PFKFB3: variants seen among roughly 807,000 people sequenced by gnomAD.
The protein encoded by PFKFB3 is 6-phosphofructo-2-kinase/fructose-2,6-bisphosphatase 3.
PFKFB3 carries 33 observed loss-of-function variants against 68.0 expected under a neutral mutation model. The observed-to-expected ratio is 0.49, with a 90% CI of 0.37 to 0.65. The LOEUF is 0.65. Ranked by LOEUF, PFKFB3 falls within the 30% of genes least tolerant of loss-of-function variation. The pLI is 0.00. For synonymous variants in PFKFB3, 315 were observed against 288.2 expected (o/e 1.09, Z -0.94); for missense variants, 586 against 712.2 (o/e 0.82, Z 2.02).
intron 14 of PFKFB3, 67 bp from the exon 15 acceptor site, chr10:6,232,828 C>G: frequency 8.0e-7 from 1 of 1,250,456 alleles, no homozygotes; most frequent in South Asian, 1.2e-5. Context: ...CTCGCGTCTT[C>G]TGCTTTAGAA....
chr10:6,303,349 A>G, the PFKFB3 span, among the ~76,000 whole-genome samples: 27 of 152,374 alleles, frequency 1.8e-4, no homozygotes, highest in African/African-American at 5.8e-4. Flanking sequence ...TAAAAATATG[A>G]GCACATGGTG....
chr10:6,149,092 A>G (rs546389294), intron 1 of PFKFB3, among the ~76,000 whole-genome samples: 2 of 152,126 alleles, frequency 1.3e-5, no homozygotes, highest in South Asian at 4.2e-4. Flanking sequence ...AAAGAGAAAT[A>G]AATAAGACAG....
At position 6,248,628 on chromosome 10, in the gene PFKFB3, CAAAAAAAAAA is replaced by C. The variant is rs1215741346; in HGVS notation, c.1516-5535_1516-5526del. Among the ~76,000 whole-genome samples the C allele has an allele frequency of 4.2e-5, 3 of 71,876 alleles. No homozygotes were observed. In the East Asian group the frequency reaches 1.2e-3, roughly 29 times the overall value. 47.2% of individuals were successfully genotyped at this position (71,876 alleles called of 152,430 possible). A position where few individuals can be genotyped will look rare whatever the true frequency, so the allele number is the denominator to read the frequency against. ...TGGGCAACAGAGGAAGACTCCATCT[CAAAAAAAAAA>C]AAAAAAAAAAAAAAGGCAGGGGATC... On this transcript the variant is annotated intron_variant, in intron 14 of 14. Coordinates refer to the PFKFB3 transcript ENST00000640683.
chr10:6,315,434 A>T, the PFKFB3 span, among the ~76,000 whole-genome samples: 2 of 152,146 alleles, frequency 1.3e-5, no homozygotes, highest in African/African-American at 4.8e-5. Context: ...GAGCTGCATG[A>T]TTATTCTTGG....
chr10:6,277,833 T>C, the PFKFB3 span: 308 of 355,018 alleles, frequency 8.7e-4, 3 homozygotes, highest in East Asian at 7.0e-3. Flanking sequence ...AGTGTGAGAA[T>C]GGACTAATAC....
the PFKFB3 span, among the ~76,000 whole-genome samples, chr10:6,269,869 G>A: frequency 2.0e-5 from 3 of 152,046 alleles, no homozygotes; most frequent in Admixed American, 1.3e-4. Context: ...GGTGGCTCAC[G>A]CTTGTAATCG....
intron 1 of PFKFB3, among the ~76,000 whole-genome samples, chr10:6,206,584 AC>A (rs1184833742): frequency 7.5e-5 from 8 of 107,190 alleles, no homozygotes; most frequent in African/African-American, 9.3e-5. Flanking sequence ...GCAGGGGCTG[AC>A]CCCCCCACCT....
At chr10:6,241,822 TTTTAATTTTTTTTTGCTTTC>T (rs1304282614) in intron 14 of PFKFB3, among the ~76,000 whole-genome samples, 2 of 151,996 alleles carry the variant, frequency 1.3e-5, no homozygotes, top group Non-Finnish European at 2.9e-5. Context: ...GTTTTCTTTT[TTTTAATTTTTTTTTGCTTTC>T]TTTTCTTTTT....
intron 14 of PFKFB3, among the ~76,000 whole-genome samples, chr10:6,251,158 T>C (rs997864552): frequency 6.6e-6 from 1 of 152,210 alleles, no homozygotes; most frequent in Non-Finnish European, 1.5e-5. Context: ...TTGAAATCAA[T>C]GTAAATAGAC....
rs902534035 is a variant in PFKFB3, at chr10:6,194,063, C to T, written c.17-19560C>T. Among the ~76,000 whole-genome samples, 3 of 152,128 alleles carry T rather than the reference C, an allele frequency of 2.0e-5. No homozygotes were observed. The South Asian group carries it at 6.2e-4, about 32-fold the overall frequency. ...GTATTTCATTGAGAACAATGGGAAC[C>T]ATTGGTGTCTGCCATTTGGGAAGTG... On this transcript the variant is annotated intron_variant, in intron 1 of 14. Transcript: ENST00000379789.
At chr10:6,277,285 G>A in the PFKFB3 span, among the ~76,000 whole-genome samples, 1 of 151,698 alleles carries the variant, frequency 6.6e-6, no homozygotes, top group Non-Finnish European at 1.5e-5. Context: ...CCAGGCTGGA[G>A]TGCAGTGGCG....
chr10:6,211,345 A>G (rs1844221330), intron 1 of PFKFB3, among the ~76,000 whole-genome samples: 1 of 152,190 alleles, frequency 6.6e-6, no homozygotes, highest in African/African-American at 2.4e-5. Flanking sequence ...CGACAGAAAT[A>G]TTCTGCGTAT....
chr10:6,187,692 G>A lies in PFKFB3; in HGVS notation c.17-25931G>A, dbSNP rs1842908288. On this transcript the variant is annotated intron_variant, in intron 1 of 14. Transcript: ENST00000379789. ...TCAAAATAGAATTTTTAGCTGCCAT[G>A]GGTTTAAAAAAGGTAAGAATTTTGC... 2.6e-5 allele frequency among the ~76,000 whole-genome samples: 4 copies of A among 152,146 alleles called. No individual in the cohort carries two copies. The South Asian group carries it at 8.3e-4, about 32-fold the overall frequency.
At position 6,215,917 on chromosome 10, in the gene PFKFB3, C is replaced by T. The variant is rs1404216981; in HGVS notation, c.300-208C>T. On this transcript the variant is annotated intron_variant, in intron 3 of 14. Transcript: ENST00000379775. This position sits in a 1 kb window ranked among gnomAD's most constrained non-coding sequence, Gnocchi z 4.3. ...CCCGCGTGCAGCCCGGTTTGAGCACCGCCTCCCGAGGGTTCCTGAGGCCAC... is the reference window on the plus strand; with the variant it reads ...CCCGCGTGCAGCCCGGTTTGAGCACTGCCTCCCGAGGGTTCCTGAGGCCAC... Among the ~76,000 whole-genome samples, 5 of 152,262 alleles carry T rather than the reference C, an allele frequency of 3.3e-5. No individual in the cohort carries two copies. Among genetic ancestry groups the T allele is most frequent in the African/African-American group, 4.8e-5 (2 of 41,550 alleles).
intron 14 of PFKFB3, among the ~76,000 whole-genome samples, chr10:6,227,447 T>C (rs1359044296): frequency 6.6e-6 from 1 of 152,196 alleles, no homozygotes; most frequent in Non-Finnish European, 1.5e-5. Context: ...GAGACTTCCT[T>C]AGACCTCATG....
chr10:6,313,829 C>T, the PFKFB3 span, among the ~76,000 whole-genome samples: 2 of 152,204 alleles, frequency 1.3e-5, no homozygotes, highest in Admixed American at 1.3e-4. The surrounding 1 kb of genome is among the most constrained non-coding windows in gnomAD (Gnocchi z 4.2). Context: ...TTAGGCTTGG[C>T]TTGGAGACTG....
intron 2 of PFKFB3, among the ~76,000 whole-genome samples, chr10:6,214,179 G>T (rs1202764546): frequency 6.6e-6 from 1 of 152,242 alleles, no homozygotes; most frequent in African/African-American, 2.4e-5. Flanking sequence ...GAGGTGAGTG[G>T]CAGTGAGTGC....
chr10:6,152,989 G>C (rs1236349279), intron 1 of PFKFB3, among the ~76,000 whole-genome samples: 1 of 152,144 alleles, frequency 6.6e-6, no homozygotes, highest in Non-Finnish European at 1.5e-5. Flanking sequence ...AGACCAGCTT[G>C]ATCAACATGG....
chr10:6,240,657 C>G (rs1846119464), intron 14 of PFKFB3, among the ~76,000 whole-genome samples: 1 of 152,168 alleles, frequency 6.6e-6, no homozygotes, highest in Non-Finnish European at 1.5e-5. Context: ...AAACATCTTA[C>G]AACAACATGG....
Sources: allele counts gnomAD v4.1 joint callset (sites outside exome capture counted in the v4.1 genomes callset), GRCh38; gene constraint gnomAD v4.1.1; non-coding constraint Gnocchi (gnomAD v3.1); transcripts MANE v1.5; gene names NCBI Gene and HGNC (gene_info 2026-07-23, HGNC 2026-07-21).